HTR2C: variants seen among roughly 807,000 people sequenced by gnomAD.
HTR2C encodes 5-hydroxytryptamine receptor 2C.
In HTR2C, 5 loss-of-function variants were observed where a neutral mutation model predicts 21.0. The observed-to-expected ratio is 0.24, with a 90% CI of 0.12 to 0.50. HTR2C has a LOEUF of 0.50. HTR2C is among the 20% of genes least tolerant of loss of function. The pLI is 0.98. For synonymous variants in HTR2C, 150 were observed against 145.3 expected, an observed-to-expected ratio of 1.03 and a Z score of -0.23; for missense variants, 271 against 371.2, an observed-to-expected ratio of 0.73 and a Z score of 2.22.
intron 4 of HTR2C, among the ~76,000 whole-genome samples, chrX:114,743,631 T>C (rs2069673397): frequency 9.0e-6 from 1 of 111,106 alleles, no homozygotes; most frequent in Admixed American, 9.6e-5. Context: ...TTCAGCCAAA[T>C]TACAGAAAAT....
At chrX:114,838,150 CTTTA>C (rs1225360357) in intron 4 of HTR2C, among the ~76,000 whole-genome samples, 1 of 111,215 alleles carries the variant, frequency 9.0e-6, no homozygotes, top group African/African-American at 3.3e-5. Context: ...CTTTTTTGGG[CTTTA>C]TTTGTTAATA....
chrX:114,632,149 G>C (rs1442161504), intron 2 of HTR2C, among the ~76,000 whole-genome samples: 3 of 112,195 alleles, frequency 2.7e-5, no homozygotes, highest in Non-Finnish European at 5.6e-5. Flanking sequence ...ATAAAACAAG[G>C]TACTGTTTTA....
At position 114,862,714 on chromosome X, in the gene HTR2C, C is replaced by T. The variant is rs782017302; in HGVS notation, c.550+14511C>T. On this transcript the variant is annotated intron_variant, in intron 5 of 5. Transcript: ENST00000276198. Reference sequence around the variant, plus strand: ...TGTGTAGAATGTGTAATGAGCAAATCAGGGTAACTGGGATATCCACCACCT... The same window carrying T: ...TGTGTAGAATGTGTAATGAGCAAATTAGGGTAACTGGGATATCCACCACCT... Among the ~76,000 whole-genome samples the T allele has an allele frequency of 5.0e-4, 55 of 110,829 alleles. 1 individual carries two copies. The highest frequency in any genetic ancestry group is 1.7e-3 in the African/African-American group (52 of 30,668).
chrX:114,752,421 A>T (rs1270613099), intron 4 of HTR2C, among the ~76,000 whole-genome samples: 1 of 111,137 alleles, frequency 9.0e-6, no homozygotes. Context: ...CAAGCCACCT[A>T]GTAAATGTTC....
chrX:114,662,490 C>A (rs1251900965), intron 2 of HTR2C, among the ~76,000 whole-genome samples: 1 of 111,709 alleles, frequency 9.0e-6, no homozygotes, highest in African/African-American at 3.2e-5. Flanking sequence ...AAATTGTTCC[C>A]TTGATTTAGG....
intron 2 of HTR2C, among the ~76,000 whole-genome samples, chrX:114,632,880 G>A (rs782744934): frequency 1.8e-5 from 2 of 110,338 alleles, no homozygotes; most frequent in East Asian, 2.9e-4. Flanking sequence ...GGGTGCTCAC[G>A]TGACCTAATA....
At chrX:114,752,093 C>T (rs895130737) in intron 4 of HTR2C, among the ~76,000 whole-genome samples, 1 of 111,793 alleles carries the variant, frequency 8.9e-6, no homozygotes, top group East Asian at 2.8e-4. Flanking sequence ...TGAGCATACA[C>T]CATTAAATTT....
At chrX:114,706,467 C>T (rs1406853565) in intron 2 of HTR2C, among the ~76,000 whole-genome samples, 1 of 96,276 alleles carries the variant, frequency 1.0e-5, no homozygotes, top group Non-Finnish European at 2.0e-5. Context: ...GAAAAAAAAC[C>T]AAACACCGCA....
At chrX:114,879,946 G>A (rs914180843) in intron 5 of HTR2C, among the ~76,000 whole-genome samples, 4 of 110,366 alleles carry the variant, frequency 3.6e-5, no homozygotes, top group Non-Finnish European at 7.6e-5. Context: ...ACTTAATGTG[G>A]TTGATTTGCT....
chrX:114,775,809 T>C (rs782440739), intron 4 of HTR2C: 112 of 403,962 alleles, frequency 2.8e-4, no homozygotes, highest in Middle Eastern at 6.6e-4. Context: ...TTGTCTAGTT[T>C]GACATCTCGA....
chrX:114,659,343 T>C (rs1342888773), intron 2 of HTR2C, among the ~76,000 whole-genome samples: 2 of 94,447 alleles, frequency 2.1e-5, no homozygotes, highest in African/African-American at 7.8e-5. Context: ...ATCAGCAGAC[T>C]TCACTTTAAC....
chrX:114,781,295 C>T (rs1434758162), intron 4 of HTR2C, among the ~76,000 whole-genome samples: 5 of 109,820 alleles, frequency 4.6e-5, no homozygotes, highest in Admixed American at 3.9e-4. Context: ...GTGACCAGCC[C>T]GGATAACATA....
At chrX:114,794,423 C>T (rs1168292931) in intron 4 of HTR2C, among the ~76,000 whole-genome samples, 2 of 108,499 alleles carry the variant, frequency 1.8e-5, no homozygotes, top group African/African-American at 6.7e-5. Flanking sequence ...ATGTGCACAA[C>T]ATGCAGGTTA....
rs76454046 is a variant in HTR2C at position 114,907,293 on chromosome X, A to G, written c.1255A>G (p.Thr419Ala). The G allele has an allele frequency of 8.9e-4, 1,079 of 1,208,763 alleles. 2 individuals carry two copies. Among genetic ancestry groups the G allele is most frequent in the Non-Finnish European group, 1.0e-3 (932 of 894,340 alleles). ...RELNVNIYRH[T>A]NEPVIEKASD... ...GCTTAATGTTAACATTTATCGGCATACCAATGAACCGGTGATCGAGAAAGC... is the reference window on the plus strand; with the variant it reads ...GCTTAATGTTAACATTTATCGGCATGCCAATGAACCGGTGATCGAGAAAGC... The change falls in exon 6 of 6, where the codon ACC (threonine) becomes GCC (alanine). Residue 419 changes from threonine (T) to alanine (A), a missense_variant. Physicochemically the swap from Thr to Ala is moderately conservative, Grantham distance 58 (BLOSUM62 0). Around this residue, in one of 5 missense-constraint regions of HTR2C, gnomAD observed 192 missense variants for 247.2 expected, o/e 0.78. Transcript: ENST00000276198.
At chrX:114,853,162 T>C (rs1429549313) in intron 5 of HTR2C, among the ~76,000 whole-genome samples, 1 of 111,773 alleles carries the variant, frequency 8.9e-6, no homozygotes, top group Non-Finnish European at 1.9e-5. Flanking sequence ...TATGATTAAA[T>C]GTATGAAAAC....
intron 4 of HTR2C, among the ~76,000 whole-genome samples, chrX:114,799,240 TTTTAAC>T (rs2070323631): frequency 9.0e-6 from 1 of 111,088 alleles, no homozygotes; most frequent in Admixed American, 9.6e-5. Context: ...GATGGAAAAC[TTTTAAC>T]TTTATGTTCA....
rs1274816901 is a variant in HTR2C at position 114,835,230 on chromosome X, T to C, written c.350-12773T>C. Among the ~76,000 whole-genome samples the C allele has an allele frequency of 4.2e-5, 4 of 95,207 alleles. No homozygotes were observed. The East Asian group carries it at 1.4e-3, about 33-fold the overall frequency. 82.7% of individuals were successfully genotyped at this position (95,207 alleles called of 115,157 possible). On this transcript the variant is annotated intron_variant, in intron 4 of 5. Transcript: ENST00000276198. ...AGTATCTTTGTGGCATTCTCTGTAT[T>C]TCCTGAATCTGAACGTTGGCCTGCC...
chrX:114,772,493 G>GA (rs1263615196), intron 4 of HTR2C, among the ~76,000 whole-genome samples: 1 of 107,254 alleles, frequency 9.3e-6, no homozygotes, highest in Non-Finnish European at 1.9e-5. Flanking sequence ...GTGGTGGGGG[G>GA]GCCTTGATTC....
chrX:114,750,571 A>G (rs1290872342), intron 4 of HTR2C, among the ~76,000 whole-genome samples: 1 of 112,204 alleles, frequency 8.9e-6, no homozygotes, highest in East Asian at 2.8e-4. Flanking sequence ...GCACTGTTTT[A>G]AGCACTTTAC....
Sources: allele counts gnomAD v4.1 joint callset (sites outside exome capture counted in the v4.1 genomes callset), GRCh38; gene constraint gnomAD v4.1.1; regional missense constraint gnomAD v4.1.1; transcripts MANE v1.5; gene names NCBI Gene and HGNC (gene_info 2026-07-23, HGNC 2026-07-21).